Variants in SCP2 observed in about 807,000 individuals in gnomAD.
SCP2 encodes the protein SCP-2/3-oxoacyl-CoA thiolase.
SCP2 carries 48 observed loss-of-function variants against 71.4 expected under a neutral mutation model. The observed-to-expected ratio is 0.67, with a 90% confidence interval of 0.53 to 0.86. The LOEUF (loss-of-function observed/expected upper bound fraction) is 0.86, where lower values mean the gene tolerates loss of function less well. SCP2 is among the 40% of genes least tolerant of loss of function. The probability of loss-of-function intolerance (pLI) is 0.00; values close to 1 mark genes in which losing one functional copy is unlikely to be tolerated. For missense variants in SCP2, 560 were observed against 655.6 expected, an observed-to-expected ratio of 0.85 and a Z score of 1.59; for synonymous variants, 220 against 218.1, an observed-to-expected ratio of 1.01 and a Z score of -0.08.
intron 6 of SCP2, among the ~76,000 whole-genome samples, chr1:52,965,336 T>C (rs1656853858): frequency 6.6e-6 from 1 of 152,216 alleles, no homozygotes; most frequent in Non-Finnish European, 1.5e-5. Context: ...AAAATCTTAT[T>C]GGTATTTTTA....
rs112779715 is a variant in SCP2 at position 53,030,611 on chromosome 1, G to T, written c.1338+2540G>T. Among the ~76,000 whole-genome samples the T allele has an allele frequency of 3.9e-5, 6 of 151,972 alleles. 1 individual carries two copies. The highest frequency in any genetic ancestry group is 1.2e-4 in the African/African-American group (5 of 41,442). ...GGCTGGTTTTTAAAAAAATCTCTGGGCTGGGCACAGTGGCACACCCCTGTA... is the reference window on the plus strand; with the variant it reads ...GGCTGGTTTTTAAAAAAATCTCTGGTCTGGGCACAGTGGCACACCCCTGTA... On this transcript the variant is annotated intron_variant, in intron 13 of 15. Transcript: ENST00000371514.
chr1:52,981,326 T>G (rs1658474445), intron 10 of SCP2, among the ~76,000 whole-genome samples: 1 of 152,218 alleles, frequency 6.6e-6, no homozygotes, highest in Admixed American at 6.5e-5. Flanking sequence ...CTAGCTATAC[T>G]TTAGTCTTTG....
chr1:52,961,688 A>G, intron 6 of SCP2, 59 bp downstream of exon 6: 1 of 1,433,512 alleles, frequency 7.0e-7, no homozygotes, highest in Non-Finnish European at 9.8e-7. Context: ...GAGATGAGAA[A>G]TGACAGTTAT....
At chr1:52,991,336 G>A (rs17107527) in intron 11 of SCP2, among the ~76,000 whole-genome samples, 2,384 of 152,080 alleles carry the variant, frequency 0.016, 72 homozygotes, top group African/African-American at 0.054. Flanking sequence ...AGCCATGATG[G>A]ATCTGCTTAA....
At chr1:52,980,894 G>A (rs144610113) in intron 10 of SCP2, among the ~76,000 whole-genome samples, 10 of 152,226 alleles carry the variant, frequency 6.6e-5, no homozygotes, top group African/African-American at 2.2e-4. Context: ...TATTTAAAGT[G>A]TATCTCTTAT....
At chr1:52,957,406 C>T (rs909977468) in intron 5 of SCP2, among the ~76,000 whole-genome samples, 2 of 152,160 alleles carry the variant, frequency 1.3e-5, no homozygotes, top group Admixed American at 1.3e-4. Context: ...CCCCCCTTGC[C>T]CATGCCTCCA....
At chr1:52,943,347 T>C (rs146681934) in intron 2 of SCP2, among the ~76,000 whole-genome samples, 6,461 of 151,800 alleles carry the variant, frequency 0.043, 399 homozygotes, top group African/African-American at 0.14. Context: ...CTCAGCCTCC[T>C]GAGTAGCTGG....
chr1:52,985,489 A>G (rs1572141120), intron 10 of SCP2, among the ~76,000 whole-genome samples: 1 of 152,192 alleles, frequency 6.6e-6, no homozygotes, highest in East Asian at 1.9e-4. Flanking sequence ...CTAGTGCAGA[A>G]CAGCATCGTT....
chr1:52,928,470 C>A (rs148043679), intron 1 of SCP2, among the ~76,000 whole-genome samples: 1 of 152,232 alleles, frequency 6.6e-6, no homozygotes, highest in East Asian at 1.9e-4. Context: ...GTGGGCTGAG[C>A]GTACCTAATT....
At chr1:53,044,119 C>T (rs1663624396) in intron 14 of SCP2, among the ~76,000 whole-genome samples, 1 of 151,804 alleles carries the variant, frequency 6.6e-6, no homozygotes, top group Non-Finnish European at 1.5e-5. Context: ...AGTGCAATGG[C>T]ACGAACTTGG....
At chr1:53,010,356 T>C (rs1332910427) in intron 11 of SCP2, among the ~76,000 whole-genome samples, 1 of 152,182 alleles carries the variant, frequency 6.6e-6, no homozygotes, top group African/African-American at 2.4e-5. Context: ...CTATTCACAA[T>C]AGCAAAGACT....
chr1:52,979,452 G>A (rs1658285078), intron 9 of SCP2, among the ~76,000 whole-genome samples: 1 of 151,650 alleles, frequency 6.6e-6, no homozygotes, highest in African/African-American at 2.4e-5. Flanking sequence ...AAGTGCCAAA[G>A]TGCTGGGATT....
chr1:53,019,527 T>C (rs1426572576), intron 12 of SCP2, among the ~76,000 whole-genome samples: 1 of 152,214 alleles, frequency 6.6e-6, no homozygotes, highest in Non-Finnish European at 1.5e-5. Context: ...CAAGAAGATA[T>C]TCCAGGCTCG....
intron 11 of SCP2, chr1:52,995,844 T>A: frequency 8.5e-7 from 1 of 1,170,710 alleles, no homozygotes; most frequent in South Asian, 1.4e-5. Flanking sequence ...TTGGAGCAGT[T>A]CACTGCCATG....
chr1:53,037,927 CACAGATCCAGATCCTGTCTCTATA>C (rs1663110563), intron 13 of SCP2, among the ~76,000 whole-genome samples: 1 of 125,944 alleles, frequency 7.9e-6, no homozygotes, highest in African/African-American at 2.8e-5. Flanking sequence ...CACACACACA[CACAGATCCAGATCCTGTCTCTATA>C]CACACACACA....
chr1:52,970,960 A>T (rs11206055), intron 6 of SCP2, among the ~76,000 whole-genome samples: 46,968 of 139,036 alleles, frequency 0.34, 9,388 homozygotes, highest in East Asian at 0.74. Flanking sequence ...GGCTATAGAG[A>T]GACACAGATT....
At chr1:52,981,971 C>A (rs1658539901) in intron 10 of SCP2, among the ~76,000 whole-genome samples, 1 of 151,980 alleles carries the variant, frequency 6.6e-6, no homozygotes, top group Non-Finnish European at 1.5e-5. Context: ...TGCCCCTCCT[C>A]TTGACTTCTT....
chr1:52,969,164 T>C (rs549117647), intron 6 of SCP2, among the ~76,000 whole-genome samples: 2 of 151,444 alleles, frequency 1.3e-5, no homozygotes, highest in East Asian at 1.9e-4. Context: ...GTAACTGTCA[T>C]TGAAAAAAGT....
At chr1:52,982,342 G>A (rs917765541) in intron 10 of SCP2, among the ~76,000 whole-genome samples, 78 of 152,186 alleles carry the variant, frequency 5.1e-4, no homozygotes, top group Non-Finnish European at 3.7e-4. Flanking sequence ...AGGCCAAGGC[G>A]GGCAGATAAC....
Sources: gnomAD v4.1 joint callset for allele counts (sites outside exome capture counted in the v4.1 genomes callset) on GRCh38, gnomAD v4.1.1 for gene constraint, MANE v1.5 for transcripts, NCBI Gene and HGNC (gene_info 2026-07-23, HGNC 2026-07-21) for gene names.